EPB41L4A: variants seen among roughly 807,000 people sequenced by gnomAD.
EPB41L4A encodes the protein erythrocyte membrane protein band 4.1 like 4A, also known as band 4.1-like protein 4A.
EPB41L4A carries 100 observed loss-of-function variants against 108.6 expected under a neutral mutation model. That is an observed-to-expected ratio of 0.92 (90% CI 0.78 to 1.09). EPB41L4A has a LOEUF of 1.09. Among genes scored for constraint, EPB41L4A ranks in the 50% least tolerant of loss-of-function variants. EPB41L4A has a pLI of 0.00. For synonymous variants in EPB41L4A, 319 were observed against 289.0 expected (o/e 1.10, Z -1.05); for missense variants, 1,030 against 842.7 (o/e 1.22, Z -2.75).
intron 1 of EPB41L4A, among the ~76,000 whole-genome samples, chr5:112,345,233 A>G (rs542330001): frequency 5.2e-4 from 79 of 152,224 alleles, no homozygotes; most frequent in Non-Finnish European, 5.6e-4. Flanking sequence ...AATTAAATTG[A>G]CACATACACA....
chr5:112,265,761 A>AC (rs145352030), intron 5 of EPB41L4A, among the ~76,000 whole-genome samples: 11,172 of 152,180 alleles, frequency 0.073, 534 homozygotes, highest in East Asian at 0.18. Flanking sequence ...TCCTGGAGCC[A>AC]CCCCACACAG....
At position 112,204,365 on chromosome 5, in the gene EPB41L4A, T is replaced by C. The variant is rs768380781; in HGVS notation, c.1376+10A>G. On this transcript the variant is annotated intron_variant, in intron 15 of 22. Coordinates refer to ENST00000261486, the MANE Select transcript of EPB41L4A (RefSeq NM_022140.5). ...GAAAGCTGCTAACAGAGAGATTGTG[T>C]TCCGCTTACCTCCTCCTCACAGGCT... The C allele has an allele frequency of 1.9e-5, 30 of 1,585,162 alleles. No individual in the cohort carries two copies. Among genetic ancestry groups the C allele is most frequent in the African/African-American group, 4.0e-5 (3 of 74,298 alleles).
intron 1 of EPB41L4A, among the ~76,000 whole-genome samples, chr5:112,390,037 T>A (rs181528572): frequency 6.6e-6 from 1 of 152,286 alleles, no homozygotes; most frequent in East Asian, 1.9e-4. Flanking sequence ...CTACACAATA[T>A]GAAAAATGTT....
intron 1 of EPB41L4A, among the ~76,000 whole-genome samples, chr5:112,324,689 T>C (rs956437665): frequency 7.1e-6 from 1 of 140,978 alleles, no homozygotes; most frequent in Non-Finnish European, 1.5e-5. Flanking sequence ...ACCACTGCAC[T>C]CCATCCTGGG....
chr5:112,287,821 C>T (rs1027635116), intron 2 of EPB41L4A, among the ~76,000 whole-genome samples: 1 of 152,048 alleles, frequency 6.6e-6, no homozygotes, highest in African/African-American at 2.4e-5. Flanking sequence ...AAAAAATGTA[C>T]CAAACGAACT....
At chr5:112,283,371 G>A (rs1175477793) in intron 2 of EPB41L4A, among the ~76,000 whole-genome samples, 2 of 152,166 alleles carry the variant, frequency 1.3e-5, no homozygotes, top group East Asian at 3.9e-4. Context: ...ATCTTGAAAT[G>A]TAAAACCCAC....
chr5:112,403,338 A>G (rs1207073058), intron 1 of EPB41L4A, among the ~76,000 whole-genome samples: 3 of 110,686 alleles, frequency 2.7e-5, no homozygotes, highest in Non-Finnish European at 4.8e-5. Flanking sequence ...AATCCTCAGC[A>G]AAAAAAAAAA....
intron 1 of EPB41L4A, among the ~76,000 whole-genome samples, chr5:112,349,563 A>C (rs1757904727): frequency 6.6e-6 from 1 of 152,206 alleles, no homozygotes; most frequent in Non-Finnish European, 1.5e-5. Flanking sequence ...TGCAGATTTG[A>C]GTTTCGGAAT....
At chr5:112,275,465 T>A in intron 3 of EPB41L4A, 61 bp from the exon 4 acceptor site, 1 of 1,264,944 alleles carries the variant, frequency 7.9e-7, no homozygotes, top group Non-Finnish European at 1.1e-6. Flanking sequence ...AGTTACAGTA[T>A]AATATTATAC....
At chr5:112,269,642 GAATATATAATTATTAATAACTC>G (rs1752121220) in intron 4 of EPB41L4A, among the ~76,000 whole-genome samples, 2 of 152,000 alleles carry the variant, frequency 1.3e-5, no homozygotes, top group Non-Finnish European at 2.9e-5. Flanking sequence ...TGCCTATTAT[GAATATATAATTATTAATAACTC>G]ACTTCATCAT....
intron 17 of EPB41L4A, among the ~76,000 whole-genome samples, chr5:112,184,625 A>G (rs570380674): frequency 1.3e-5 from 2 of 152,240 alleles, no homozygotes; most frequent in East Asian, 3.8e-4. Context: ...AGAAATCTAG[A>G]AGTACAAAAA....
In EPB41L4A at chr5:112,169,043, C is replaced by A; in HGVS notation, c.1802G>T (p.Arg601Leu). 6.2e-7 allele frequency: 1 copy of A among 1,614,092 alleles called. No individual in the cohort carries two copies. The change falls in exon 21 of 23, where the codon CGC (arginine) becomes CTC (leucine). Residue 601 changes from arginine to leucine, a missense_variant. Arg to Leu is a moderately radical substitution (Grantham distance 102). Transcript: ENST00000261486. ...CTCCCCATCTGAACACTGGGACCTG[C>A]GATACTGGCGGTAACTTCGTGGCGA... Reference protein sequence around the residue: ...SHSPRSYRQYRRSQCSDGERS... With the variant: ...SHSPRSYRQYLRSQCSDGERS...
exon 14 of EPB41L4A, chr5:112,142,641 G>A (rs1478405): frequency 1.3e-5 from 2 of 152,208 alleles, no homozygotes; most frequent in Admixed American, 1.3e-4. Flanking sequence ...GGACTGCACA[G>A]ATCAATCAGC....
chr5:112,255,572 TACATG>T (rs1185786499), intron 9 of EPB41L4A, among the ~76,000 whole-genome samples: 1 of 152,178 alleles, frequency 6.6e-6, no homozygotes, highest in Non-Finnish European at 1.5e-5. Context: ...ACATGCTTAA[TACATG>T]ACTTTTACTT....
intron 1 of EPB41L4A, among the ~76,000 whole-genome samples, chr5:112,400,504 G>A (rs1761673548): frequency 6.6e-6 from 1 of 152,148 alleles, no homozygotes; most frequent in Admixed American, 6.6e-5. Context: ...GGAAGGCAAA[G>A]GGGGAGCAGG....
chr5:112,160,529 C>A (rs1183313874), downstream of EPB41L4A: 1 of 152,430 alleles, frequency 6.6e-6, no homozygotes, highest in East Asian at 1.9e-4. Context: ...TGAATTCTGT[C>A]GGGTCCCAAA....
At chr5:112,305,955 T>C (rs2150575681) in intron 2 of EPB41L4A, among the ~76,000 whole-genome samples, 1 of 152,258 alleles carries the variant, frequency 6.6e-6, no homozygotes, top group South Asian at 2.1e-4. Context: ...AAACTTTCAA[T>C]AAACTAGCAA....
chr5:112,194,537 G>C (rs199901493), intron 17 of EPB41L4A, 31 bp downstream of exon 17: 40 of 1,308,926 alleles, frequency 3.1e-5, no homozygotes, highest in Non-Finnish European at 4.1e-5. Flanking sequence ...TGATTTCAGA[G>C]TGCCAGTTAA....
In EPB41L4A at chr5:112,165,038, T is replaced by A. The variant is rs1480647108; in HGVS notation, c.2013A>T (p.Ala671=). Reference sequence around the variant, plus strand: ...AAGCTTGTATAGTTTTTATTGTTTTTGCTGTGTGTTTTCCAGCCAGGTTGT... The same window carrying A: ...AAGCTTGTATAGTTTTTATTGTTTTAGCTGTGTGTTTTCCAGCCAGGTTGT... ...STNNLAGKHT[A]KTIKTIQASR... is the part of the protein sequence containing the mutation. The change falls in exon 23 of 23, where the codon GCA becomes GCT. Residue 671 remains alanine, a synonymous_variant. Transcript: ENST00000261486. 6.2e-7 allele frequency: 1 copy of A among 1,614,004 alleles called. No homozygotes were observed. Among genetic ancestry groups the A allele is most frequent in the Non-Finnish European group, 8.5e-7 (1 of 1,180,012 alleles).
Sources: allele counts gnomAD v4.1 joint callset (sites outside exome capture counted in the v4.1 genomes callset), GRCh38; gene constraint gnomAD v4.1.1; transcripts MANE v1.5; gene names NCBI Gene and HGNC (gene_info 2026-07-23, HGNC 2026-07-21).